The following GABBR2 variants were observed in gnomAD, a reference collection of about 807,000 sequenced individuals.
The protein encoded by GABBR2 is G-protein coupled receptor 51.
Under a neutral mutation model 105.6 loss-of-function variants are expected in GABBR2, and 23 were observed. That is an observed-to-expected ratio of 0.22 (90% CI 0.16 to 0.31). The LOEUF is 0.31. GABBR2 is among the 10% of genes least tolerant of loss of function. The pLI is 1.00. For synonymous variants in GABBR2, 478 were observed against 499.7 expected (o/e 0.96, Z 0.58); for missense variants, 734 against 1,245.5 (o/e 0.59, Z 6.18).
chr9:98,558,380 GA>G (rs1286763570), intron 2 of GABBR2, among the ~76,000 whole-genome samples: 31 of 152,334 alleles, frequency 2.0e-4, no homozygotes, highest in African/African-American at 7.5e-4. Context: ...CTAAGGGAGT[GA>G]AGAATGAGCA....
At chr9:98,661,941 A>G (rs1009921274) in intron 1 of GABBR2, among the ~76,000 whole-genome samples, 1 of 152,152 alleles carries the variant, frequency 6.6e-6, no homozygotes, top group Non-Finnish European at 1.5e-5. Context: ...AGCTCCCTGG[A>G]GAATTGGTCG....
In GABBR2 at chr9:98,414,359, T is replaced by C. The variant is rs72759681; in HGVS notation, c.1237-8218A>G. Among the ~76,000 whole-genome samples the C allele has an allele frequency of 9.3e-3, 1,419 of 152,042 alleles. 9 individuals carry two copies. The highest frequency in any genetic ancestry group is 0.015 in the Non-Finnish European group (992 of 67,974). On this transcript the variant is annotated intron_variant, in intron 7 of 18. Coordinates refer to ENST00000259455, the MANE Select transcript of GABBR2 (RefSeq NM_005458.8). ...CAAAGGTCCTGAGGCAGGAAAGAGATTGGGAAATCCAAGGACCTGAAACAG... is the reference window on the plus strand; with the variant it reads ...CAAAGGTCCTGAGGCAGGAAAGAGACTGGGAAATCCAAGGACCTGAAACAG...
intron 2 of GABBR2, among the ~76,000 whole-genome samples, chr9:98,549,436 A>C (rs1163783555): frequency 6.6e-6 from 1 of 152,252 alleles, no homozygotes; most frequent in Non-Finnish European, 1.5e-5. Flanking sequence ...GTATTAGAAA[A>C]ATCACGAATA....
chr9:98,678,073 T>G (rs576063532), intron 1 of GABBR2, among the ~76,000 whole-genome samples: 3 of 152,220 alleles, frequency 2.0e-5, no homozygotes, highest in Admixed American at 1.3e-4. Flanking sequence ...TGTTCATTGA[T>G]GTACCCTCCC....
intron 1 of GABBR2, among the ~76,000 whole-genome samples, chr9:98,620,588 AG>A (rs1829655600): frequency 6.6e-6 from 1 of 152,068 alleles, no homozygotes; most frequent in African/African-American, 2.4e-5. Context: ...CAAAGCAAGC[AG>A]GGGACAAAAG....
chr9:98,346,518 AAATCAGCAT>A (rs1490677915), intron 13 of GABBR2, among the ~76,000 whole-genome samples: 8 of 152,392 alleles, frequency 5.2e-5, no homozygotes, highest in African/African-American at 1.9e-4. Flanking sequence ...TGTAATAATG[AAATCAGCAT>A]AATTAGCATT....
intron 2 of GABBR2, among the ~76,000 whole-genome samples, chr9:98,558,938 C>G (rs1459990854): frequency 6.6e-6 from 1 of 152,174 alleles, no homozygotes; most frequent in East Asian, 1.9e-4. Flanking sequence ...TGCTTTATTA[C>G]AAAGAAGCTC....
Position 98,548,372 on chromosome 9 carries a change from T to C in GABBR2, c.460-6329A>G, listed in dbSNP as rs1188047408. Among the ~76,000 whole-genome samples, 2 of 119,822 alleles carry C rather than the reference T, an allele frequency of 1.7e-5. 1 individual carries two copies. Among genetic ancestry groups the C allele is most frequent in the Admixed American group, 1.9e-4 (2 of 10,676 alleles). 78.6% of individuals were successfully genotyped at this position (119,822 alleles called of 152,430 possible). On this transcript the variant is annotated intron_variant, in intron 2 of 18. Coordinates refer to ENST00000259455, the MANE Select transcript of GABBR2 (RefSeq NM_005458.8). The stretch of plus-strand genomic sequence containing the variant: ...ACATTAAATAAGTGACATCATCTTT[T>C]ACCCTCAGTGCCCAATTTTCTAATA...
intron 1 of GABBR2, among the ~76,000 whole-genome samples, chr9:98,612,181 G>A (rs1170056290): frequency 6.6e-6 from 1 of 152,260 alleles, no homozygotes; most frequent in South Asian, 2.1e-4. Context: ...AGCATGGCCT[G>A]CACAGCTCTG....
chr9:98,361,631 C>T (rs1831584970), intron 13 of GABBR2, among the ~76,000 whole-genome samples: 1 of 152,314 alleles, frequency 6.6e-6, no homozygotes, highest in African/African-American at 2.4e-5. Flanking sequence ...CCTGTCTGCT[C>T]GAGTGGACTC....
intron 13 of GABBR2, among the ~76,000 whole-genome samples, chr9:98,324,618 A>C (rs1830888378): frequency 6.6e-6 from 1 of 152,164 alleles, no homozygotes; most frequent in Admixed American, 6.5e-5. Flanking sequence ...ACTGGGAGCC[A>C]CAAAAGTGCA....
chr9:98,354,909 A>G (rs1193679207), intron 13 of GABBR2, among the ~76,000 whole-genome samples: 2 of 152,184 alleles, frequency 1.3e-5, no homozygotes, highest in Admixed American at 6.5e-5. Flanking sequence ...CTTTTGGCCT[A>G]TCTCTGCTTT....
intron 2 of GABBR2, among the ~76,000 whole-genome samples, chr9:98,554,571 A>G (rs1267435730): frequency 6.6e-6 from 1 of 152,192 alleles, no homozygotes; most frequent in Non-Finnish European, 1.5e-5. Flanking sequence ...AACTACATAC[A>G]TAAGCACGTT....
chr9:98,378,976 G>A (rs7874058), intron 11 of GABBR2, among the ~76,000 whole-genome samples: 6,077 of 152,256 alleles, frequency 0.04, 427 homozygotes, highest in African/African-American at 0.14. Context: ...TCTTCTGAGC[G>A]TCCCTCAGGG....
intron 13 of GABBR2, among the ~76,000 whole-genome samples, chr9:98,323,447 G>T (rs565165760): frequency 6.6e-6 from 1 of 152,326 alleles, no homozygotes; most frequent in South Asian, 2.1e-4. Flanking sequence ...TTCCTGCCTG[G>T]CCTAGGAGTG....
chr9:98,457,787 C>T (rs1826352316), intron 6 of GABBR2, among the ~76,000 whole-genome samples: 1 of 152,174 alleles, frequency 6.6e-6, no homozygotes, highest in African/African-American at 2.4e-5. Flanking sequence ...GCACCAACTC[C>T]CTTGGGCAAG....
intron 1 of GABBR2, among the ~76,000 whole-genome samples, chr9:98,688,411 A>ATATATATAT (rs397737112): frequency 8.8e-5 from 13 of 148,170 alleles, no homozygotes; most frequent in African/African-American, 1.5e-4. Context: ...ATATATATAT[A>ATATATATAT]AAATCTCCAG....
chr9:98,482,091 C>T (rs539385908), intron 4 of GABBR2, among the ~76,000 whole-genome samples: 78 of 152,332 alleles, frequency 5.1e-4, no homozygotes, highest in Admixed American at 1.8e-3. Flanking sequence ...TTCCTGCCCT[C>T]CACAGTGAGG....
intron 1 of GABBR2, among the ~76,000 whole-genome samples, chr9:98,656,937 G>A (rs536462766): frequency 2.6e-5 from 4 of 152,216 alleles, no homozygotes; most frequent in Non-Finnish European, 5.9e-5. Context: ...CCTAGATGCT[G>A]GATCAGAGGT....
Sources: allele counts gnomAD v4.1 joint callset (sites outside exome capture counted in the v4.1 genomes callset), GRCh38; gene constraint gnomAD v4.1.1; transcripts MANE v1.5; gene names NCBI Gene and HGNC (gene_info 2026-07-23, HGNC 2026-07-21).